SHOC1: variants seen among roughly 807,000 people sequenced by gnomAD.
SHOC1 encodes shortage in chiasmata 1.
A neutral mutation model predicts 179.2 loss-of-function variants in SHOC1; 136 were observed. The observed-to-expected ratio is 0.76, with a 90% confidence interval of 0.66 to 0.87. SHOC1 has a LOEUF of 0.87. SHOC1 is among the 40% of genes least tolerant of loss of function. The probability of loss-of-function intolerance (pLI) is 0.00; values close to 1 mark genes in which losing one functional copy is unlikely to be tolerated. For synonymous variants in SHOC1, 489 were observed against 586.6 expected, an observed-to-expected ratio of 0.83 and a Z score of 2.41; for missense variants, 1,538 against 1,700.8, an observed-to-expected ratio of 0.90 and a Z score of 1.68.
At chr9:111,748,660 C>G (rs1474644703) in intron 8 of SHOC1, among the ~76,000 whole-genome samples, 3 of 150,862 alleles carry the variant, frequency 2.0e-5, no homozygotes, top group African/African-American at 7.3e-5. Flanking sequence ...CTCCCTCCCT[C>G]TCTTCCTTTT....
rs1429748078 is a variant in SHOC1 at position 111,758,808 on chromosome 9, A to G, written c.483T>C (p.Ser161=). The part of the protein sequence containing the change: ...IDDKGILFVS[S]RKHLPTLPTL... ...TAGGCAAAGTTGGTAGGTGTTTTCT[A>G]CTACTTACAAAAAGTATTCCTTTAT... The change falls in exon 6 of 28, where the codon AGT becomes AGC. Residue 161 remains serine (S), a synonymous_variant. Coordinates refer to ENST00000682961, the MANE Select transcript of SHOC1 (RefSeq NM_001378211.1). The G allele has an allele frequency of 3.2e-6, 5 of 1,570,722 alleles. No homozygotes were observed. The highest frequency in any genetic ancestry group is 4.3e-6 in the Non-Finnish European group (5 of 1,151,322).
chr9:111,766,929 A>G (rs1835381226), intron 5 of SHOC1, among the ~76,000 whole-genome samples: 1 of 151,878 alleles, frequency 6.6e-6, no homozygotes, highest in Non-Finnish European at 1.5e-5. Flanking sequence ...TGTGGTTTTG[A>G]TTTGCATTTC....
chr9:111,757,990 A>G, intron 7 of SHOC1, 94 bp downstream of exon 7: 1 of 616,250 alleles, frequency 1.6e-6, no homozygotes, highest in Non-Finnish European at 2.8e-6. Flanking sequence ...AATCTTTTTA[A>G]TTTGACAATT....
At chr9:111,747,124 A>C (rs114578772) in intron 9 of SHOC1, among the ~76,000 whole-genome samples, 2,015 of 152,286 alleles carry the variant, frequency 0.013, 55 homozygotes, top group African/African-American at 0.046. Context: ...GCCTAGCACA[A>C]AATTATATAT....
chr9:111,789,144 C>T, intron 2 of SHOC1, among the ~76,000 whole-genome samples: 1 of 52,000 alleles, frequency 1.9e-5, no homozygotes, highest in Non-Finnish European at 3.9e-5. Flanking sequence ...GCATTATTCT[C>T]AAGACTTTAA....
At chr9:111,723,668 G>A in intron 14 of SHOC1, 124 bp downstream of exon 14, 2 of 982,292 alleles carry the variant, frequency 2.0e-6, no homozygotes, top group Non-Finnish European at 1.5e-6. Context: ...AGTAGGAGTG[G>A]AATGAAGAAA....
intron 3 of SHOC1, among the ~76,000 whole-genome samples, chr9:111,782,309 T>C (rs1836094512): frequency 1.3e-5 from 2 of 152,352 alleles, no homozygotes; most frequent in Admixed American, 1.3e-4. Context: ...ATTATCTATA[T>C]GATCTTGGGT....
chr9:111,697,153 C>A (rs968137576), intron 24 of SHOC1, among the ~76,000 whole-genome samples: 1 of 150,782 alleles, frequency 6.6e-6, no homozygotes, highest in African/African-American at 2.4e-5. Flanking sequence ...ATGATGCATC[C>A]TGAGAGAGTA....
chr9:111,725,538 C>A (rs964126862), intron 13 of SHOC1, among the ~76,000 whole-genome samples: 1 of 152,072 alleles, frequency 6.6e-6, no homozygotes, highest in Non-Finnish European at 1.5e-5. Flanking sequence ...GGGGCACTGC[C>A]CAGAAAAGAG....
Position 111,702,214 on chromosome 9 carries a change from A to G in SHOC1, c.2980T>C (p.Leu994=), listed in dbSNP as rs150633880. The G allele has an allele frequency of 2.0e-4, 294 of 1,434,692 alleles. No homozygotes were observed. In the African/African-American group the frequency reaches 2.6e-3, roughly 13 times the overall value. The allele number at this position is 1,434,692 out of a possible 1,614,324, so 88.9% of individuals were successfully genotyped here. A position where few individuals can be genotyped will look rare whatever the true frequency, so the allele number is the denominator to read the frequency against. ...TAIILQDLEE[L]NYEKASDNII... is the part of the protein sequence containing the mutation. ...TTGTCTGATGCCTTCTCATAATTCA[A>G]TTCTTCTAGATCCTATCAGAAAATA... is the stretch of plus-strand genomic sequence containing the variant. The change falls in exon 23 of 28, where the codon TTG becomes CTG. Residue 994 remains leucine, a synonymous_variant. Coordinates refer to ENST00000682961, the MANE Select transcript of SHOC1 (RefSeq NM_001378211.1).
chr9:111,782,579 A>G (rs1255945523), intron 3 of SHOC1, among the ~76,000 whole-genome samples: 1 of 135,748 alleles, frequency 7.4e-6, no homozygotes, highest in Non-Finnish European at 1.5e-5. Context: ...AAATTACTGG[A>G]AAAAAAATCA....
intron 6 of SHOC1, among the ~76,000 whole-genome samples, 184 bp downstream of exon 6, chr9:111,758,510 GC>G (rs1451270160): frequency 6.6e-6 from 1 of 152,182 alleles, no homozygotes; most frequent in African/African-American, 2.4e-5. Context: ...AATCGCATGT[GC>G]CCAGGAGGCG....
At chr9:111,766,006 G>A (rs1025876505) in intron 5 of SHOC1, among the ~76,000 whole-genome samples, 1 of 152,098 alleles carries the variant, frequency 6.6e-6, no homozygotes, top group Non-Finnish European at 1.5e-5. Context: ...TAAGTGTACA[G>A]TTCAGTGGTA....
At chr9:111,753,658 A>G (rs1453635048) in intron 8 of SHOC1, among the ~76,000 whole-genome samples, 1 of 152,220 alleles carries the variant, frequency 6.6e-6, no homozygotes, top group East Asian at 1.9e-4. Flanking sequence ...AGTTCAACAT[A>G]TGCAAATCAA....
At chr9:111,732,574 AAAAT>A (rs1833627743) in intron 12 of SHOC1, among the ~76,000 whole-genome samples, 1 of 152,236 alleles carries the variant, frequency 6.6e-6, no homozygotes, top group Non-Finnish European at 1.5e-5. Flanking sequence ...TTTAACAATA[AAAAT>A]AAATGAACTA....
intron 24 of SHOC1, among the ~76,000 whole-genome samples, chr9:111,698,399 C>T (rs1423667756): frequency 2.6e-5 from 4 of 152,168 alleles, no homozygotes; most frequent in Non-Finnish European, 5.9e-5. Flanking sequence ...CCAGTTTCAG[C>T]TTTTTACCTA....
chr9:111,702,464 C>T (rs1406492011), intron 22 of SHOC1, among the ~76,000 whole-genome samples: 1 of 152,156 alleles, frequency 6.6e-6, no homozygotes, highest in South Asian at 2.1e-4. Context: ...TCCCGAGGTC[C>T]TAGATATGAA....
At chr9:111,728,524 T>C (rs1308158233) in intron 12 of SHOC1, among the ~76,000 whole-genome samples, 1 of 152,210 alleles carries the variant, frequency 6.6e-6, no homozygotes, top group Non-Finnish European at 1.5e-5. Context: ...ACATAAGATA[T>C]GCATATTCTA....
chr9:111,793,119 T>A (rs1836503971), intron 1 of SHOC1, among the ~76,000 whole-genome samples: 1 of 152,204 alleles, frequency 6.6e-6, no homozygotes, highest in Non-Finnish European at 1.5e-5. Flanking sequence ...CCTGACCTTG[T>A]GATCCGCCCG....
Sources: gnomAD v4.1 joint callset for allele counts (sites outside exome capture counted in the v4.1 genomes callset) on GRCh38, gnomAD v4.1.1 for gene constraint, MANE v1.5 for transcripts, NCBI Gene and HGNC (gene_info 2026-07-23, HGNC 2026-07-21) for gene names.